Variants in KCNQ2 observed in about 807,000 individuals in gnomAD.
KCNQ2 encodes potassium voltage-gated channel subfamily Q member 2.
In KCNQ2, 14 loss-of-function variants were observed where a neutral mutation model predicts 84.8. The observed-to-expected ratio is 0.17, with a 90% CI of 0.11 to 0.26. KCNQ2 has a LOEUF of 0.26. Ranked by LOEUF, KCNQ2 falls within the 10% of genes least tolerant of loss-of-function variation. The pLI, the probability that KCNQ2 is intolerant of heterozygous loss-of-function variation, is 1.00. For synonymous variants in KCNQ2, 599 were observed against 554.1 expected (o/e 1.08, Z -1.14); for missense variants, 788 against 1,254.0 (o/e 0.63, Z 5.61).
rs6011830 is a variant in KCNQ2, at chr20:63,434,107, G to A, written c.1024-204C>T. On this transcript the variant is annotated intron_variant, in intron 7 of 16. Transcript: ENST00000359125. ...CTCTGTAGGACAGACAGGCAAGCCC[G>A]CTTGTCAGACGGTGGGGCCTGAAGG... 0.32 allele frequency: 181,176 copies of A among 561,596 alleles called. 32,992 individuals are homozygous for A. Among genetic ancestry groups the A allele is most frequent in the Non-Finnish European group, 0.39 (125,470 of 317,890 alleles). The allele number at this position is 561,596 out of a possible 1,614,324, so 34.8% of individuals were successfully genotyped here. A position where few individuals can be genotyped will look rare whatever the true frequency, so the allele number is the denominator to read the frequency against.
At chr20:63,443,530 CACCACCACCACCATGACCATCATG>C (rs1233442054) in intron 4 of KCNQ2, 5 of 122,166 alleles carry the variant, frequency 4.1e-5, no homozygotes, top group African/African-American at 1.1e-4. Flanking sequence ...TCACCATCAC[CACCACCACCACCATGACCATCATG>C]ACCATCACCA....
rs2079941600 is a variant in KCNQ2, at chr20:63,406,631, G to T, written c.*13C>A. On this transcript the variant is annotated 3_prime_UTR_variant, in exon 17 of 17. Coordinates refer to ENST00000359125, the MANE Select transcript of KCNQ2 (RefSeq NM_172107.4). ...AGGAGGGCCGCGGGCGGGTCCACTGGCCCAGCGCCGCCTCACTTCCTGGGC... is the reference window on the plus strand; with the variant it reads ...AGGAGGGCCGCGGGCGGGTCCACTGTCCCAGCGCCGCCTCACTTCCTGGGC... The T allele has an allele frequency of 1.3e-6, 2 of 1,582,784 alleles. No homozygotes were observed. Among genetic ancestry groups the T allele is most frequent in the African/African-American group, 1.3e-5 (1 of 74,472 alleles).
At chr20:63,442,807 TACCACCACCATCACCATCACCATCACC>T (rs2081230894) in intron 4 of KCNQ2, among the ~76,000 whole-genome samples, 1 of 7,236 alleles carries the variant, frequency 1.4e-4, no homozygotes, top group African/African-American at 5.4e-4. Context: ...CCACCACCAT[TACCACCACCATCACCATCACCATCACC>T]ACCACCACCA....
chr20:63,414,001 G>C lies in KCNQ2; in HGVS notation c.1631+87C>G, dbSNP rs1038909117. On this transcript the variant is annotated intron_variant, in intron 14 of 16. Transcript: ENST00000359125. This position sits in a 1 kb window ranked among gnomAD's most constrained non-coding sequence, Gnocchi z 6.6. Reference sequence around the variant, plus strand: ...CTCTGTCTCTGGGCGGCTCTGTCCAGCACCATGAGCACCGGCAGCAGGCAG... The same window carrying C: ...CTCTGTCTCTGGGCGGCTCTGTCCACCACCATGAGCACCGGCAGCAGGCAG... The C allele has an allele frequency of 5.7e-5, 58 of 1,009,008 alleles. No individual in the cohort carries two copies. In the Admixed American group the frequency reaches 1.0e-3, roughly 17 times the overall value. 62.5% of individuals were successfully genotyped at this position (1,009,008 alleles called of 1,614,324 possible). A position where few individuals can be genotyped will look rare whatever the true frequency, so the allele number is the denominator to read the frequency against.
At chr20:63,434,251 T>G in intron 7 of KCNQ2, 2 of 299,008 alleles carry the variant, frequency 6.7e-6, no homozygotes, top group Non-Finnish European at 1.2e-5. Flanking sequence ...GGGGGTTACC[T>G]TCCTGACCTC....
Position 63,408,767 on chromosome 20 carries a change from G to A in KCNQ2, c.1764-231C>T, listed in dbSNP as rs1217738261. 3.3e-5 allele frequency among the ~76,000 whole-genome samples: 5 copies of A among 152,188 alleles called. No individual in the cohort carries two copies. Among genetic ancestry groups the A allele is most frequent in the Admixed American group, 6.5e-5 (1 of 15,286 alleles). ...GCCCGCTCTGTCCCCAAGGGGCCTG[G>A]CACATTAGCGAGGAGTAAAGTAAGG... On this transcript the variant is annotated intron_variant, in intron 15 of 16. Transcript: ENST00000359125. The surrounding 1 kb of genome is among the most constrained non-coding windows in gnomAD (Gnocchi z 5.0).
intron 11 of KCNQ2, among the ~76,000 whole-genome samples, chr20:63,420,044 G>A (rs991927225): frequency 6.6e-6 from 1 of 152,256 alleles, no homozygotes; most frequent in Non-Finnish European, 1.5e-5. Flanking sequence ...ACGTGACCCC[G>A]GGAAAGGGCG....
chr20:63,472,360 G>C lies in KCNQ2; in HGVS notation c.104C>G (p.Thr35Ser), dbSNP rs984632499. 2 of 1,535,268 alleles carry C rather than the reference G, an allele frequency of 1.3e-6. No homozygotes were observed. Among genetic ancestry groups the C allele is most frequent in the African/African-American group, 2.8e-5 (2 of 70,996 alleles). The stretch of plus-strand genomic sequence containing the variant: ...GGCGATCAGCAGCGCCCCGTCCCGG[G>C]TGGAGTCGGGCGCGCCGGGGTCCAG... ...VGLDPGAPDS[T>S]RDGALLIAGS... Residue 35 changes from threonine (T) to serine (S), a missense_variant, in exon 1 of 17, where the codon ACC becomes AGC. By Grantham distance (58) the Thr-to-Ser change is moderately conservative. Transcript: ENST00000359125.
At chr20:63,430,092 G>C (rs972898852) in intron 9 of KCNQ2, among the ~76,000 whole-genome samples, 2 of 152,232 alleles carry the variant, frequency 1.3e-5, no homozygotes, top group East Asian at 1.9e-4. Context: ...CGCAGGCCCA[G>C]GTGAGAGACA....
At chr20:63,418,271 TC>T (rs2145579631) in intron 12 of KCNQ2, among the ~76,000 whole-genome samples, 1 of 152,316 alleles carries the variant, frequency 6.6e-6, no homozygotes, top group African/African-American at 2.4e-5. Context: ...GCGAGGGGCG[TC>T]CGTGGCACCT....
chr20:63,416,317 C>T (rs1006580675), intron 12 of KCNQ2, among the ~76,000 whole-genome samples: 8 of 152,160 alleles, frequency 5.3e-5, no homozygotes, highest in Non-Finnish European at 1.0e-4. Flanking sequence ...TTTTGGTGAC[C>T]GTGGAGATGG....
chr20:63,420,599 C>A (rs1046461238), intron 11 of KCNQ2, among the ~76,000 whole-genome samples: 1 of 152,188 alleles, frequency 6.6e-6, no homozygotes. Context: ...CGTCTTCCTG[C>A]GCACACGTGT....
intron 1 of KCNQ2, among the ~76,000 whole-genome samples, chr20:63,455,437 C>G (rs894563553): frequency 1.2e-4 from 18 of 152,150 alleles, no homozygotes; most frequent in Admixed American, 4.6e-4. Flanking sequence ...ACGTCCCTGA[C>G]GCACAGCCCA....
intron 11 of KCNQ2, chr20:63,422,199 C>CCCCA (rs1487378691): frequency 6.5e-6 from 1 of 153,384 alleles, no homozygotes; most frequent in Non-Finnish European, 1.4e-5. Context: ...CATCAAGCTT[C>CCCCA]GCAGAGCAGG....
At chr20:63,471,971 G>T (rs1223180202) in intron 1 of KCNQ2, among the ~76,000 whole-genome samples, 197 bp downstream of exon 1, 2 of 152,156 alleles carry the variant, frequency 1.3e-5, no homozygotes, top group African/African-American at 4.8e-5. Context: ...CCCCGACCCC[G>T]GAATCCTTCC....
intron 1 of KCNQ2, among the ~76,000 whole-genome samples, chr20:63,451,604 G>A (rs6062944): frequency 0.11 from 16,329 of 152,198 alleles, 1,142 homozygotes; most frequent in East Asian, 0.15. Flanking sequence ...GTGCCTCCAG[G>A]ACCTGGGGAC....
chr20:63,408,041 C>G lies in KCNQ2; in HGVS notation c.1887+372G>C, dbSNP rs1048144237. On this transcript the variant is annotated intron_variant, in intron 16 of 16. Coordinates refer to ENST00000359125, the MANE Select transcript of KCNQ2 (RefSeq NM_172107.4). This position sits in a 1 kb window ranked among gnomAD's most constrained non-coding sequence, Gnocchi z 5.0. ...CTCTGCGGTGGTTCCTGAGAATGCA[C>G]CCCCAGAAGACAGCGGCCAGGGTGT... The G allele has an allele frequency of 4.1e-5, 13 of 317,474 alleles. No homozygotes were observed. The highest frequency in any genetic ancestry group is 2.8e-4 in the African/African-American group (13 of 46,678). The allele number at this position is 317,474 out of a possible 1,614,324, so 19.7% of individuals were successfully genotyped here.
At chr20:63,413,686 G>T in intron 14 of KCNQ2, 105 bp from the exon 15 acceptor site, 3 of 1,331,148 alleles carry the variant, frequency 2.3e-6, no homozygotes, top group Non-Finnish European at 3.2e-6. Flanking sequence ...GGAGATGGCT[G>T]GACTTGCCCC....
rs1187116128 is a variant in KCNQ2, at chr20:63,406,030, C to T, written c.*614G>A. 1 of 152,300 alleles carries T rather than the reference C, an allele frequency of 6.6e-6. No homozygotes were observed. Among genetic ancestry groups the T allele is most frequent in the Non-Finnish European group, 1.5e-5 (1 of 68,130 alleles). The allele number at this position is 152,300 out of a possible 1,614,324, so 9.4% of individuals were successfully genotyped here. On this transcript the variant is annotated 3_prime_UTR_variant, in exon 17 of 17. Coordinates refer to ENST00000359125, the MANE Select transcript of KCNQ2 (RefSeq NM_172107.4). ...GCTTCCATGGAAAGAGCCCTCAGAT[C>T]CCAGAAGGTACAGGGAGAAGACGCC...
Sources: gnomAD v4.1 joint callset for allele counts (sites outside exome capture counted in the v4.1 genomes callset) on GRCh38, gnomAD v4.1.1 for gene constraint, Gnocchi (gnomAD v3.1) non-coding constraint, MANE v1.5 for transcripts, NCBI Gene and HGNC (gene_info 2026-07-23, HGNC 2026-07-21) for gene names.